DHX38: variants seen among roughly 807,000 people sequenced by gnomAD.
DHX38 encodes DEAH-box helicase 38.
DHX38 carries 100 observed loss-of-function variants against 153.1 expected under a neutral mutation model. The ratio of observed to expected loss-of-function variants is 0.65; its 90% confidence interval spans 0.56 to 0.77. The LOEUF (loss-of-function observed/expected upper bound fraction) is 0.77. DHX38 is among the 30% of genes least tolerant of loss of function. The probability of loss-of-function intolerance (pLI) is 0.00; values close to 1 mark genes in which losing one functional copy is unlikely to be tolerated. For missense variants in DHX38, 1,440 were observed against 1,654.0 expected, an observed-to-expected ratio of 0.87 and a Z score of 2.24; for synonymous variants, 650 against 631.7, an observed-to-expected ratio of 1.03 and a Z score of -0.43.
intron 11 of DHX38, among the ~76,000 whole-genome samples, chr16:72,101,875 C>T (rs1469597136): frequency 6.6e-6 from 1 of 152,152 alleles, no homozygotes; most frequent in Non-Finnish European, 1.5e-5. Flanking sequence ...GGTTAAGTAA[C>T]TTGTCTGAGG....
chr16:72,106,010 C>T lies in DHX38; in HGVS notation c.2493C>T (p.Phe831=). 6.2e-7 allele frequency: 1 copy of T among 1,614,028 alleles called. No individual in the cohort carries two copies. The highest frequency in any genetic ancestry group is 8.5e-7 in the Non-Finnish European group (1 of 1,179,876). ...TCTTTGCCGTCCCCTCCTAGGTCTTCAACCCCAGGATTGGCATGGATGCTC... is the reference window on the plus strand; with the variant it reads ...TCTTTGCCGTCCCCTCCTAGGTCTTTAACCCCAGGATTGGCATGGATGCTC... ...IDSGYCKLKV[F]NPRIGMDALQ... is the part of the protein sequence containing the mutation. The change falls in exon 19 of 27, where the codon TTC becomes TTT. Residue 831 remains phenylalanine (F), a synonymous_variant. Coordinates refer to ENST00000268482, the MANE Select transcript of DHX38 (RefSeq NM_014003.4).
chr16:72,109,272 G>A (rs1395208108), intron 24 of DHX38, 143 bp from the exon 25 acceptor site: 3 of 891,554 alleles, frequency 3.4e-6, no homozygotes, highest in Admixed American at 6.0e-5. Context: ...TTGGATGGGA[G>A]TATCTGGGGT....
chr16:72,105,537 G>A lies in DHX38; in HGVS notation c.2400G>A (p.Lys800=), dbSNP rs1156811596. The change falls in exon 18 of 27, where the codon AAG becomes AAA. Residue 800 remains lysine, a synonymous_variant. Coordinates refer to ENST00000268482, the MANE Select transcript of DHX38 (RefSeq NM_014003.4). ...TCTAGGCTCCAGATGGCGTTCGGAA[G>A]TGCATCGTTGCCACCAATATTGCCG... is the stretch of plus-strand genomic sequence containing the variant. ...IFQKAPDGVR[K]CIVATNIAET... is the part of the protein sequence containing the mutation. 3 of 1,614,092 alleles carry A rather than the reference G, an allele frequency of 1.9e-6. No individual in the cohort carries two copies. The African/African-American group carries it at 4.0e-5, about 22-fold the overall frequency.
In DHX38 at chr16:72,099,726, C is replaced by A; in HGVS notation, c.961-6C>A. On this transcript the variant is annotated splice_polypyrimidine_tract_variant and splice_region_variant and intron_variant, in intron 7 of 26. Transcript: ENST00000268482. ...TCACTCCCTTGCTTTGCCTCCTGCC[C>A]TGCAGCAAGCCGATCGGGATTGGTA... 6.2e-7 allele frequency: 1 copy of A among 1,614,008 alleles called. No individual in the cohort carries two copies. Among genetic ancestry groups the A allele is most frequent in the Non-Finnish European group, 8.5e-7 (1 of 1,179,932 alleles).
At chr16:72,110,217 T>A (rs2042239143) in intron 25 of DHX38, among the ~76,000 whole-genome samples, 1 of 152,262 alleles carries the variant, frequency 6.6e-6, no homozygotes, top group African/African-American at 2.4e-5. Flanking sequence ...TATGATGTAT[T>A]TGCCTCATTG....
At position 72,096,277 on chromosome 16, in the gene DHX38, G is replaced by A. The variant is rs756518789; in HGVS notation, c.120G>A (p.Lys40=). ...CGGCCAGCGAGCAGCATGTCTTCAA[G>A]GCTCCTGCTCCCCGCCCTTCATTAC... ...KSAASEQHVF[K]APAPRPSLLG... is the part of the protein sequence containing the mutation. Residue 40 remains lysine, a synonymous_variant, in exon 2 of 27, where the codon AAG becomes AAA. Transcript: ENST00000268482. 15 of 1,614,090 alleles carry A rather than the reference G, an allele frequency of 9.3e-6. No individual in the cohort carries two copies. Among genetic ancestry groups the A allele is most frequent in the Admixed American group, 1.7e-5 (1 of 60,010 alleles).
At chr16:72,103,892 G>A in intron 13 of DHX38, 54 bp from the exon 14 acceptor site, 1 of 1,608,062 alleles carries the variant, frequency 6.2e-7, no homozygotes, top group Non-Finnish European at 8.5e-7. Context: ...AGTACGGGGT[G>A]TGCTGGTGGT....
In DHX38 at chr16:72,105,155, G is replaced by A. The variant is rs374760798; in HGVS notation, c.2262+18G>A. ...ACATTGAGGTGCGTGCCTTGGTCAC[G>A]ACTGTGATGAGCGGGTGTGTCTTGC... On this transcript the variant is annotated intron_variant, in intron 16 of 26. Transcript: ENST00000268482. The A allele has an allele frequency of 6.8e-6, 11 of 1,613,878 alleles. No individual in the cohort carries two copies. Among genetic ancestry groups the A allele is most frequent in the Admixed American group, 3.3e-5 (2 of 60,006 alleles).
rs370719207 is a variant in DHX38, at chr16:72,108,180, C to G, written c.2965-47C>G. ...GAACCTCTGGGATGTGCTCAGTGGG[C>G]CTGGACCCCCCTGTACTTAGAGTGA... On this transcript the variant is annotated intron_variant, in intron 21 of 26. Coordinates refer to ENST00000268482, the MANE Select transcript of DHX38 (RefSeq NM_014003.4). The G allele has an allele frequency of 8.1e-6, 13 of 1,603,310 alleles. No homozygotes were observed. The African/African-American group carries it at 1.6e-4, about 20-fold the overall frequency.
Position 72,098,756 on chromosome 16 carries a change from A to G in DHX38, c.728A>G (p.Glu243Gly). ...PSPTPSYRDSERSHRLSTRDR... is the reference protein window; with the variant it reads ...PSPTPSYRDSGRSHRLSTRDR... ...CCGACGCCTTCCTATCGGGATTCTGAGCGGAGCCATCGGCTGTCCACTCGA... is the reference window on the plus strand; with the variant it reads ...CCGACGCCTTCCTATCGGGATTCTGGGCGGAGCCATCGGCTGTCCACTCGA... Residue 243 changes from glutamate to glycine, a missense_variant, in exon 5 of 27, where the codon GAG (glutamate) becomes GGG (glycine). Around this residue, in one of 6 missense-constraint regions of DHX38, gnomAD observed 483 missense variants for 465.1 expected, o/e 1.04. Transcript: ENST00000268482. 1 of 1,614,116 alleles carries G rather than the reference A, an allele frequency of 6.2e-7. No individual in the cohort carries two copies. Among genetic ancestry groups the G allele is most frequent in the Non-Finnish European group, 8.5e-7 (1 of 1,180,022 alleles).
intron 19 of DHX38, among the ~76,000 whole-genome samples, chr16:72,106,440 T>TTTCTTTC: frequency 6.8e-6 from 1 of 147,416 alleles, no homozygotes; most frequent in South Asian, 2.1e-4. Flanking sequence ...TCTTTCCCCA[T>TTTCTTTC]TTTCTTTCTT....
intron 7 of DHX38, 61 bp downstream of exon 7, chr16:72,099,341 C>A: frequency 6.9e-7 from 1 of 1,440,230 alleles, no homozygotes. Flanking sequence ...GATGGGTGAC[C>A]CTCTAGCAGG....
At chr16:72,106,741 C>T (rs1416710738) in intron 19 of DHX38, among the ~76,000 whole-genome samples, 1 of 152,222 alleles carries the variant, frequency 6.6e-6, no homozygotes, top group Non-Finnish European at 1.5e-5. Flanking sequence ...GTGAGCCACT[C>T]TGCCTGGCTC....
chr16:72,101,194 G>C lies in DHX38; in HGVS notation c.1386+1G>C. The C allele has an allele frequency of 1.9e-6, 3 of 1,614,132 alleles. No homozygotes were observed. The highest frequency in any genetic ancestry group is 2.5e-6 in the Non-Finnish European group (3 of 1,180,008). ...CAGGGAGCAGAAGGAGCGCAAGAAGGTTGGTTTCTTGGTTTCGTGGCTGGG... is the reference window on the plus strand; with the variant it reads ...CAGGGAGCAGAAGGAGCGCAAGAAGCTTGGTTTCTTGGTTTCGTGGCTGGG... On this transcript the variant is annotated splice_donor_variant, in intron 10 of 26. Coordinates refer to ENST00000268482, the MANE Select transcript of DHX38 (RefSeq NM_014003.4). LOFTEE classifies it high-confidence loss of function.
chr16:72,101,372 C>A, intron 10 of DHX38, 128 bp from the exon 11 acceptor site: 2 of 1,151,966 alleles, frequency 1.7e-6, no homozygotes, highest in Non-Finnish European at 2.5e-6. Flanking sequence ...TGGAATGTGG[C>A]TCGGTGCCAC....
At position 72,096,274 on chromosome 16, in the gene DHX38, C is replaced by G; in HGVS notation, c.117C>G (p.Phe39Leu). 1 of 1,614,212 alleles carries G rather than the reference C, an allele frequency of 6.2e-7. No homozygotes were observed. The highest frequency in any genetic ancestry group is 8.5e-7 in the Non-Finnish European group (1 of 1,180,032). Residue 39 changes from phenylalanine (F) to leucine (L), a missense_variant, in exon 2 of 27, where the codon TTC becomes TTG. Around this residue, in one of 6 missense-constraint regions of DHX38, gnomAD observed 483 missense variants for 465.1 expected, o/e 1.04. Coordinates refer to ENST00000268482, the MANE Select transcript of DHX38 (RefSeq NM_014003.4). ...GTGCGGCCAGCGAGCAGCATGTCTT[C>G]AAGGCTCCTGCTCCCCGCCCTTCAT... ...SKSAASEQHV[F>L]KAPAPRPSLL...
chr16:72,101,148 C>A lies in DHX38; in HGVS notation c.1341C>A (p.Gly447=). The A allele has an allele frequency of 6.2e-7, 1 of 1,614,278 alleles. No homozygotes were observed. ...TSDLAIIARK[G]SQTVRKHREQ... ...ACCTGGCCATCATTGCTCGGAAAGG[C>A]AGCCAGACAGTGCGGAAGCACAGGG... is the stretch of plus-strand genomic sequence containing the variant. Residue 447 remains glycine, a synonymous_variant, in exon 10 of 27, where the codon GGC becomes GGA. Transcript: ENST00000268482.
intron 26 of DHX38, chr16:72,112,147 C>T: frequency 1.9e-6 from 1 of 514,660 alleles, no homozygotes; most frequent in Non-Finnish European, 3.5e-6. Context: ...TGGAGGGAAG[C>T]TGCTTTTGTA....
In DHX38 at chr16:72,096,359, G is replaced by A. The variant is rs1218162604; in HGVS notation, c.202G>A (p.Gly68Arg). 1 of 1,614,190 alleles carries A rather than the reference G, an allele frequency of 6.2e-7. No individual in the cohort carries two copies. Among genetic ancestry groups the A allele is most frequent in the Non-Finnish European group, 8.5e-7 (1 of 1,180,028 alleles). The change falls in exon 2 of 27, where the codon GGG becomes AGG. Residue 68 changes from glycine to arginine, a missense_variant. This residue lies in a region of DHX38 where 483 missense variants were observed against 465.1 expected (regional missense o/e 1.04). Coordinates refer to ENST00000268482, the MANE Select transcript of DHX38 (RefSeq NM_014003.4). ...KRREREEKDD[G>R]EDKKKSKVSS... ...GAGAGAGCGAGAGGAGAAGGACGAT[G>A]GGGAGGACAAGAAGAAGTCCAAAGT...
Sources: gnomAD v4.1 joint callset for allele counts (sites outside exome capture counted in the v4.1 genomes callset) on GRCh38, gnomAD v4.1.1 for gene constraint, gnomAD v4.1.1 regional missense constraint, MANE v1.5 for transcripts, NCBI Gene and HGNC (gene_info 2026-07-23, HGNC 2026-07-21) for gene names.